Variants in STX8 observed in about 807,000 individuals in gnomAD.
STX8 encodes the protein syntaxin-8.
A neutral mutation model predicts 37.5 loss-of-function variants in STX8; 23 were observed. The ratio of observed to expected loss-of-function variants is 0.61; its 90% CI spans 0.44 to 0.87. The LOEUF (loss-of-function observed/expected upper bound fraction) is 0.87, where lower values mean the gene tolerates loss of function less well. STX8 is among the 40% of genes least tolerant of loss of function. The pLI is 0.00. For synonymous variants in STX8, 115 were observed against 99.1 expected (o/e 1.16, Z -0.95); for missense variants, 313 against 284.7 (o/e 1.10, Z -0.71).
chr17:9,506,685 C>T (rs1047224707), intron 4 of STX8, among the ~76,000 whole-genome samples: 3 of 152,116 alleles, frequency 2.0e-5, no homozygotes, highest in Non-Finnish European at 2.9e-5. Flanking sequence ...CTGCAAACAC[C>T]TACAGTCCTT....
chr17:9,328,413 C>T (rs1909847949), intron 7 of STX8, among the ~76,000 whole-genome samples: 1 of 152,112 alleles, frequency 6.6e-6, no homozygotes, highest in Non-Finnish European at 1.5e-5. Context: ...ACTCAGCATG[C>T]CAAAGTGCTA....
rs573146328 is a variant in STX8, at chr17:9,388,070, A to ATTT, written c.542-9420_542-9418dup. 2.3e-5 allele frequency among the ~76,000 whole-genome samples: 3 copies of ATTT among 130,336 alleles called. 1 individual carries two copies. The East Asian group carries it at 6.7e-4, about 29-fold the overall frequency. The allele number at this position is 130,336 out of a possible 152,430, so 85.5% of individuals were successfully genotyped here. A position where few individuals can be genotyped will look rare whatever the true frequency, so the allele number is the denominator to read the frequency against. On this transcript the variant is annotated intron_variant, in intron 6 of 7. Transcript: ENST00000306357. Reference sequence around the variant, plus strand: ...TTAGTTGTTGTTTCTAAACAACTCTATTTTTTTTTTTTTTTTTTGAGACAT... The same window carrying ATTT: ...TTAGTTGTTGTTTCTAAACAACTCTATTTTTTTTTTTTTTTTTTTTTGAGACAT...
intron 5 of STX8, among the ~76,000 whole-genome samples, chr17:9,495,548 A>G (rs1819711772): frequency 6.6e-6 from 1 of 152,218 alleles, no homozygotes; most frequent in African/African-American, 2.4e-5. Context: ...AATGAAAAAT[A>G]CACTAATTAC....
chr17:9,572,912 C>T (rs901463184), intron 1 of STX8, among the ~76,000 whole-genome samples: 1 of 152,142 alleles, frequency 6.6e-6, no homozygotes, highest in Non-Finnish European at 1.5e-5. Context: ...GCTTGGGGTC[C>T]AGTGATAGCT....
At chr17:9,282,175 C>T (rs1210397901) in intron 7 of STX8, among the ~76,000 whole-genome samples, 1 of 152,136 alleles carries the variant, frequency 6.6e-6, no homozygotes, top group Non-Finnish European at 1.5e-5. Flanking sequence ...CTCTGTCACC[C>T]AGGCTGGAGT....
intron 6 of STX8, among the ~76,000 whole-genome samples, chr17:9,444,749 C>T (rs1904780325): frequency 1.3e-5 from 2 of 152,056 alleles, no homozygotes; most frequent in Admixed American, 1.3e-4. Context: ...CCTCTGAAAA[C>T]AATTTCTTTA....
intron 7 of STX8, among the ~76,000 whole-genome samples, chr17:9,357,406 C>A (rs1910919830): frequency 6.6e-6 from 1 of 152,028 alleles, no homozygotes; most frequent in South Asian, 2.1e-4. Flanking sequence ...GAAAAAAAGA[C>A]TGGCCAGGCA....
chr17:9,343,176 G>A (rs6503192), intron 7 of STX8, among the ~76,000 whole-genome samples: 81,522 of 151,870 alleles, frequency 0.54, 22,571 homozygotes, highest in African/African-American at 0.66. Flanking sequence ...AGTTCAAGAA[G>A]CAGTGGAGAT....
intron 7 of STX8, among the ~76,000 whole-genome samples, chr17:9,254,017 C>G (rs1226065264): frequency 6.6e-6 from 1 of 152,138 alleles, no homozygotes; most frequent in African/African-American, 2.4e-5. Context: ...GGTCCCTGCT[C>G]CACGATGGAA....
At chr17:9,371,229 G>A (rs928046948) in intron 7 of STX8, among the ~76,000 whole-genome samples, 6 of 152,220 alleles carry the variant, frequency 3.9e-5, no homozygotes, top group South Asian at 2.1e-4. Flanking sequence ...CAAGGGTAGC[G>A]AAACAAAAGG....
At chr17:9,533,000 T>C (rs188357257) in intron 4 of STX8, among the ~76,000 whole-genome samples, 1 of 152,372 alleles carries the variant, frequency 6.6e-6, no homozygotes. Context: ...CCCTTTGTCA[T>C]TCTATCAGTC....
intron 6 of STX8, among the ~76,000 whole-genome samples, chr17:9,406,314 A>T (rs915702897): frequency 6.6e-6 from 1 of 152,206 alleles, no homozygotes. Context: ...AACACAAAAA[A>T]TAAGAGAGAA....
chr17:9,534,301 AGAC>A (rs907338856), intron 4 of STX8, among the ~76,000 whole-genome samples: 3 of 152,164 alleles, frequency 2.0e-5, no homozygotes, highest in African/African-American at 7.2e-5. Context: ...TTTGTGAAGA[AGAC>A]GTTACTGAAA....
chr17:9,254,067 C>T (rs1012799859), intron 7 of STX8, among the ~76,000 whole-genome samples: 5 of 152,150 alleles, frequency 3.3e-5, no homozygotes. Flanking sequence ...GATCAGGTCA[C>T]CTCCTTGCTT....
intron 7 of STX8, among the ~76,000 whole-genome samples, chr17:9,262,285 C>T (rs1907066396): frequency 6.6e-6 from 1 of 152,204 alleles, no homozygotes; most frequent in Admixed American, 6.5e-5. Flanking sequence ...ACCCTGCCTC[C>T]ATACGCACAG....
At chr17:9,554,419 AT>A (rs1326385978) in intron 3 of STX8, 1 of 152,238 alleles carries the variant, frequency 6.6e-6, no homozygotes, top group Non-Finnish European at 1.5e-5. Context: ...CACCAAAAAA[AT>A]CTAATAATAT....
At chr17:9,260,900 G>A (rs546765718) in intron 7 of STX8, among the ~76,000 whole-genome samples, 5 of 152,222 alleles carry the variant, frequency 3.3e-5, no homozygotes, top group Non-Finnish European at 7.3e-5. Flanking sequence ...AACGTGGAAA[G>A]AATCAACTGG....
intron 7 of STX8, among the ~76,000 whole-genome samples, chr17:9,357,154 G>A (rs1297126630): frequency 4.0e-5 from 6 of 151,668 alleles, no homozygotes; most frequent in South Asian, 2.1e-4. Flanking sequence ...TTTTAGAGAC[G>A]GGGTTTCGCC....
rs1356768059 is a variant in STX8, at chr17:9,491,413, A to C, written c.541+416T>G. ...AGACTTGTCACATCAAACCCTGAAC[A>C]AAGATCTTCAAACCCTTTTTTGCCC... On this transcript the variant is annotated intron_variant, in intron 6 of 7. Transcript: ENST00000306357. Among the ~76,000 whole-genome samples the C allele has an allele frequency of 3.3e-5, 5 of 152,096 alleles. No individual in the cohort carries two copies. In the East Asian group the frequency reaches 9.7e-4, roughly 29 times the overall value.
Sources: allele counts gnomAD v4.1 joint callset (sites outside exome capture counted in the v4.1 genomes callset), GRCh38; gene constraint gnomAD v4.1.1; transcripts MANE v1.5; gene names NCBI Gene and HGNC (gene_info 2026-07-23, HGNC 2026-07-21).